The following HCN1 variants were observed in gnomAD, a reference collection of about 807,000 sequenced individuals.
HCN1 encodes the protein hyperpolarization activated cyclic nucleotide gated potassium channel 1, also known as potassium/sodium hyperpolarization-activated cyclic nucleotide-gated channel 1.
HCN1 carries 13 observed loss-of-function variants against 78.9 expected under a neutral mutation model. The observed-to-expected ratio is 0.16, with a 90% confidence interval of 0.11 to 0.26. The LOEUF (loss-of-function observed/expected upper bound fraction) is 0.26. Ranked by LOEUF, HCN1 falls within the 10% of genes least tolerant of loss-of-function variation. HCN1 has a pLI of 1.00. For missense variants in HCN1, 810 were observed against 1,154.3 expected (o/e 0.70, Z 4.32); for synonymous variants, 552 against 455.5 (o/e 1.21, Z -2.70).
intron 2 of HCN1, among the ~76,000 whole-genome samples, chr5:45,485,529 T>C (rs1485781486): frequency 6.6e-6 from 1 of 152,206 alleles, no homozygotes; most frequent in African/African-American, 2.4e-5. Flanking sequence ...TTACACATAA[T>C]TTCTATTTTA....
At chr5:45,436,154 A>C (rs1410816624) in intron 3 of HCN1, among the ~76,000 whole-genome samples, 1 of 152,204 alleles carries the variant, frequency 6.6e-6, no homozygotes, top group Non-Finnish European at 1.5e-5. Flanking sequence ...GCTTCTGTGA[A>C]TGTCACTGGA....
intron 2 of HCN1, among the ~76,000 whole-genome samples, chr5:45,637,590 T>C (rs1333726318): frequency 6.6e-6 from 1 of 150,566 alleles, no homozygotes; most frequent in Non-Finnish European, 1.5e-5. Context: ...CCATTATAGA[T>C]GGAACTAATT....
chr5:45,393,701 T>G (rs1034106246), intron 4 of HCN1, among the ~76,000 whole-genome samples: 8 of 152,220 alleles, frequency 5.3e-5, no homozygotes, highest in African/African-American at 1.9e-4. Context: ...GCATTGTTTT[T>G]ATATATGCAT....
chr5:45,379,923 CAAAAT>C (rs1212403215), intron 4 of HCN1, among the ~76,000 whole-genome samples: 5 of 150,662 alleles, frequency 3.3e-5, no homozygotes, highest in Non-Finnish European at 1.5e-5. Context: ...GATTACATGA[CAAAAT>C]AAAGAGAAAA....
At chr5:45,360,827 T>C (rs1747093666) in intron 4 of HCN1, among the ~76,000 whole-genome samples, 1 of 152,090 alleles carries the variant, frequency 6.6e-6, no homozygotes, top group Non-Finnish European at 1.5e-5. Context: ...TAGAGATTTG[T>C]TTGCTTTTTA....
intron 3 of HCN1, among the ~76,000 whole-genome samples, chr5:45,424,168 C>CTGTA (rs1740290906): frequency 2.0e-5 from 3 of 150,938 alleles, no homozygotes; most frequent in Admixed American, 2.0e-4. Context: ...TGGCGGGCAC[C>CTGTA]TGTAGTCCCA....
intron 1 of HCN1, among the ~76,000 whole-genome samples, chr5:45,688,695 G>A (rs1739852763): frequency 1.3e-5 from 2 of 152,054 alleles, no homozygotes; most frequent in Non-Finnish European, 1.5e-5. Context: ...ATTCATATCA[G>A]CAGTATTTAC....
intron 2 of HCN1, among the ~76,000 whole-genome samples, chr5:45,538,829 G>T (rs982676998): frequency 5.3e-5 from 8 of 152,090 alleles, no homozygotes; most frequent in African/African-American, 1.4e-4. Context: ...TTATTAAATT[G>T]CACTCAAAAA....
At chr5:45,684,978 T>G (rs1388033189) in intron 1 of HCN1, among the ~76,000 whole-genome samples, 1 of 152,242 alleles carries the variant, frequency 6.6e-6, no homozygotes, top group African/African-American at 2.4e-5. Context: ...GCATTGTCTT[T>G]TTAATAAAAT....
chr5:45,677,186 T>C (rs186223920), intron 1 of HCN1, among the ~76,000 whole-genome samples: 6 of 151,922 alleles, frequency 3.9e-5, no homozygotes, highest in Admixed American at 3.3e-4. Flanking sequence ...CCTGTAGTCT[T>C]CCTTTGTTAT....
At chr5:45,656,243 T>C (rs1420641946) in intron 1 of HCN1, among the ~76,000 whole-genome samples, 1 of 152,180 alleles carries the variant, frequency 6.6e-6, no homozygotes, top group Non-Finnish European at 1.5e-5. Context: ...GGGGGTTGCA[T>C]GGCACAAATA....
intron 2 of HCN1, among the ~76,000 whole-genome samples, chr5:45,503,112 G>T (rs1742224607): frequency 1.3e-5 from 2 of 152,120 alleles, no homozygotes; most frequent in South Asian, 4.1e-4. Context: ...TGTTAGGTAG[G>T]AAGGAGCACG....
chr5:45,364,614 T>G (rs754550619), intron 4 of HCN1, among the ~76,000 whole-genome samples: 2 of 152,136 alleles, frequency 1.3e-5, no homozygotes, highest in African/African-American at 2.4e-5. Flanking sequence ...GACTTGGTTT[T>G]GGGTACACTC....
At chr5:45,305,035 A>T (rs1388648697) in intron 5 of HCN1, among the ~76,000 whole-genome samples, 2 of 152,134 alleles carry the variant, frequency 1.3e-5, no homozygotes, top group Non-Finnish European at 2.9e-5. Flanking sequence ...TTTCCTTACC[A>T]ATTAGTTACC....
chr5:45,555,071 A>C (rs2111863138), intron 2 of HCN1, among the ~76,000 whole-genome samples: 1 of 152,040 alleles, frequency 6.6e-6, no homozygotes, highest in African/African-American at 2.4e-5. Context: ...GAAATAAATA[A>C]GGGGCATCCA....
intron 6 of HCN1, among the ~76,000 whole-genome samples, chr5:45,273,588 A>G (rs1744999516): frequency 6.6e-6 from 1 of 152,142 alleles, no homozygotes; most frequent in Non-Finnish European, 1.5e-5. Flanking sequence ...TTCTAAAGTA[A>G]TGTGCTTAAC....
intron 5 of HCN1, among the ~76,000 whole-genome samples, chr5:45,332,217 A>G (rs1746359259): frequency 6.6e-6 from 1 of 151,426 alleles, no homozygotes; most frequent in Non-Finnish European, 1.5e-5. Context: ...AGTTGTATAT[A>G]TTTATGGGGT....
intron 2 of HCN1, among the ~76,000 whole-genome samples, chr5:45,611,880 G>T (rs1054933173): frequency 2.6e-5 from 4 of 151,890 alleles, no homozygotes; most frequent in African/African-American, 7.3e-5. Context: ...ATAGAGCAGA[G>T]AATTTTAACC....
chr5:45,570,439 C>G (rs151002009), intron 2 of HCN1, among the ~76,000 whole-genome samples: 1 of 152,098 alleles, frequency 6.6e-6, no homozygotes, highest in Non-Finnish European at 1.5e-5. Flanking sequence ...TGGCAATAAT[C>G]TTTTCACCAC....
Sources: allele counts gnomAD v4.1 joint callset (sites outside exome capture counted in the v4.1 genomes callset), GRCh38; gene constraint gnomAD v4.1.1; transcripts MANE v1.5; gene names NCBI Gene and HGNC (gene_info 2026-07-23, HGNC 2026-07-21).